TDRD12: variants seen among roughly 807,000 people sequenced by gnomAD.
TDRD12 encodes tudor domain containing 12, also known as putative ATP-dependent RNA helicase TDRD12.
A neutral mutation model predicts 133.5 loss-of-function variants in TDRD12; 158 were observed. That is an observed-to-expected ratio of 1.18 (90% CI 1.04 to 1.35). The LOEUF (loss-of-function observed/expected upper bound fraction) is 1.35. Ranked by LOEUF, TDRD12 falls within the 40% of genes most tolerant of loss-of-function variation. TDRD12 has a pLI of 0.00. For synonymous variants in TDRD12, 460 were observed against 477.9 expected (o/e 0.96, Z 0.49); for missense variants, 1,443 against 1,321.3 (o/e 1.09, Z -1.43).
chr19:32,794,401 T>C (rs1971163070), intron 13 of TDRD12, among the ~76,000 whole-genome samples: 2 of 151,768 alleles, frequency 1.3e-5, no homozygotes. Context: ...CACCGTGCCC[T>C]GCCTAGCAAG....
In TDRD12 at chr19:32,754,510, T is replaced by C. The variant is rs574396801; in HGVS notation, c.583-1482T>C. Among the ~76,000 whole-genome samples, 19 of 151,220 alleles carry C rather than the reference T, an allele frequency of 1.3e-4. No homozygotes were observed. In the East Asian group the frequency reaches 3.8e-3, roughly 30 times the overall value. On this transcript the variant is annotated intron_variant, in intron 6 of 27. Transcript: ENST00000444215. ...AATATTGGCTGCAGAACCAGTCGTT[T>C]TTTTTCATTTTTTTAAACCTGAGAG...
chr19:32,815,066 A>G (rs1425843807), intron 25 of TDRD12, among the ~76,000 whole-genome samples: 1 of 152,252 alleles, frequency 6.6e-6, no homozygotes, highest in East Asian at 1.9e-4. Flanking sequence ...GGTCCTTCCC[A>G]TCAGGCAGAC....
rs183187956 is a variant in TDRD12, at chr19:32,802,589, G to C, written c.2198-67G>C. The C allele has an allele frequency of 3.7e-4, 556 of 1,500,316 alleles. 4 individuals are homozygous for C. The African/African-American group carries it at 7.0e-3, about 19-fold the overall frequency. 92.9% of individuals were successfully genotyped at this position (1,500,316 alleles called of 1,614,324 possible). A position where few individuals can be genotyped will look rare whatever the true frequency, so the allele number is the denominator to read the frequency against. ...GAAATGCACTGCAGTGTGGCCGTGG[G>C]AACTGCCGGTTAAAGTAAGTGCGGT... On this transcript the variant is annotated intron_variant, in intron 19 of 27. Transcript: ENST00000444215.
rs1220731349 is a variant in TDRD12 at position 32,738,959 on chromosome 19, A to C, written c.287A>C (p.Asp96Ala). 24 of 1,550,782 alleles carry C rather than the reference A, an allele frequency of 1.5e-5. No individual in the cohort carries two copies. Among genetic ancestry groups the C allele is most frequent in the Non-Finnish European group, 2.1e-5 (24 of 1,146,996 alleles). The change falls in exon 3 of 28, where the codon GAC (aspartate) becomes GCC (alanine). Residue 96 changes from aspartate to alanine, a missense_variant. Asp to Ala is a moderately radical substitution (Grantham distance 126, BLOSUM62 -2). Coordinates refer to ENST00000444215, the Ensembl canonical transcript of TDRD12. ...TACCTGGCAGAATGTTTCCTTGTGG[A>C]CTTTGCCAAGAACATTCCAGTCAAA...
At chr19:32,773,470 A>C in exon 10 of TDRD12, 1 of 1,551,780 alleles carries the variant, frequency 6.4e-7, no homozygotes, top group Non-Finnish European at 8.7e-7. Flanking sequence ...TTGAATCCTC[A>C]GTGTACTGGC....
chr19:32,775,235 T>G (rs968921015), intron 10 of TDRD12, among the ~76,000 whole-genome samples: 2 of 152,234 alleles, frequency 1.3e-5, no homozygotes, highest in Non-Finnish European at 2.9e-5. Flanking sequence ...CTTGCTATTC[T>G]GCAGATCAAT....
At chr19:32,776,695 G>A (rs561311790) in intron 10 of TDRD12, among the ~76,000 whole-genome samples, 1 of 152,332 alleles carries the variant, frequency 6.6e-6, no homozygotes, top group South Asian at 2.1e-4. Flanking sequence ...GGAGAGAGAG[G>A]CTGTGGCAGG....
chr19:32,735,322 G>GTTTTATTGGTCAGGATAGAGGCTTA (rs1969192307), intron 2 of TDRD12, among the ~76,000 whole-genome samples: 1 of 152,128 alleles, frequency 6.6e-6, no homozygotes, highest in African/African-American at 2.4e-5. Context: ...TATGGAGAAA[G>GTTTTATTGGTCAGGATAGAGGCTTA]TTTTATTGGT....
intron 8 of TDRD12, among the ~76,000 whole-genome samples, chr19:32,772,489 C>T (rs905257780): frequency 6.6e-6 from 1 of 152,120 alleles, no homozygotes; most frequent in Non-Finnish European, 1.5e-5. Context: ...TGTCATCTGA[C>T]AAGTTGGGAA....
chr19:32,788,655 G>C (rs2145654478), intron 11 of TDRD12, among the ~76,000 whole-genome samples: 1 of 152,164 alleles, frequency 6.6e-6, no homozygotes, highest in East Asian at 1.9e-4. Flanking sequence ...TTTGCAGGGT[G>C]CATTACTCGG....
intron 4 of TDRD12, among the ~76,000 whole-genome samples, chr19:32,747,596 G>A (rs746023162): frequency 1.5e-4 from 23 of 152,108 alleles, no homozygotes; most frequent in Admixed American, 3.3e-4. Flanking sequence ...ACTGCCTACA[G>A]CTTTTCCTAC....
chr19:32,814,570 T>C (rs887191761), intron 25 of TDRD12, among the ~76,000 whole-genome samples: 2 of 152,154 alleles, frequency 1.3e-5, no homozygotes, highest in Non-Finnish European at 1.5e-5. Context: ...GCATCTTAGT[T>C]GATGTTGTGA....
intron 6 of TDRD12, among the ~76,000 whole-genome samples, chr19:32,755,373 C>T (rs1326668012): frequency 6.6e-6 from 1 of 152,202 alleles, no homozygotes; most frequent in Non-Finnish European, 1.5e-5. Flanking sequence ...TCTAGTTCCT[C>T]CATGTCACTT....
At position 32,749,888 on chromosome 19, in the gene TDRD12, T is replaced by C. The variant is rs1312910158; in HGVS notation, c.582+19T>C. The C allele has an allele frequency of 1.4e-6, 2 of 1,451,496 alleles. No homozygotes were observed. Among genetic ancestry groups the C allele is most frequent in the Admixed American group, 2.2e-5 (1 of 45,318 alleles). 89.9% of individuals were successfully genotyped at this position (1,451,496 alleles called of 1,614,324 possible). A position where few individuals can be genotyped will look rare whatever the true frequency, so the allele number is the denominator to read the frequency against. On this transcript the variant is annotated intron_variant, in intron 6 of 27. Coordinates refer to ENST00000444215, the Ensembl canonical transcript of TDRD12. ...TGAAAAAGTAAGTGAAAGAATTGTATTTTTATAATATTTCATCATTTTAAA... is the reference window on the plus strand; with the variant it reads ...TGAAAAAGTAAGTGAAAGAATTGTACTTTTATAATATTTCATCATTTTAAA...
intron 11 of TDRD12, among the ~76,000 whole-genome samples, chr19:32,782,745 A>G (rs892256274): frequency 2.8e-4 from 42 of 152,242 alleles, no homozygotes; most frequent in Admixed American, 1.2e-3. Flanking sequence ...TCATATGTCT[A>G]TTGGCTACAT....
intron 11 of TDRD12, among the ~76,000 whole-genome samples, 192 bp downstream of exon 11, chr19:32,777,421 T>C (rs8108159): frequency 0.017 from 2,602 of 152,238 alleles, 69 homozygotes; most frequent in African/African-American, 0.059. Flanking sequence ...TTTTTCTGTT[T>C]AAAGCTTTGT....
rs111534284 is a variant in TDRD12, at chr19:32,723,768, A to C, written c.24+3672A>C. ...ATATCTATACTTATTTAGATCTTTC[A>C]TTTCTTTCCGTCAGTGTTTTATAAC... is the stretch of plus-strand genomic sequence containing the variant. On this transcript the variant is annotated intron_variant, in intron 1 of 27. Transcript: ENST00000444215. Among the ~76,000 whole-genome samples the C allele has an allele frequency of 4.7e-4, 71 of 151,712 alleles. 1 individual carries two copies. The highest frequency in any genetic ancestry group is 1.7e-3 in the African/African-American group (71 of 41,380).
At chr19:32,800,224 G>C in exon 17 of TDRD12, 1 of 1,533,016 alleles carries the variant, frequency 6.5e-7, no homozygotes, top group Non-Finnish European at 8.7e-7. Context: ...AAGGGAATCT[G>C]CACCACATCA....
In TDRD12 at chr19:32,735,719, C is replaced by T. The variant is rs556453952; in HGVS notation, c.184-3137C>T. Among the ~76,000 whole-genome samples, 5 of 152,330 alleles carry T rather than the reference C, an allele frequency of 3.3e-5. 1 individual carries two copies. In the South Asian group the frequency reaches 1.0e-3, roughly 32 times the overall value. The stretch of plus-strand genomic sequence containing the variant: ...GTGTGGTGGCTCACACCTGTAATCC[C>T]AGCACTCTGGGAGGCTGAGGTGGGT... On this transcript the variant is annotated intron_variant, in intron 2 of 27. Coordinates refer to ENST00000444215, the Ensembl canonical transcript of TDRD12.
Sources: gnomAD v4.1 joint callset for allele counts (sites outside exome capture counted in the v4.1 genomes callset) on GRCh38, gnomAD v4.1.1 for gene constraint, MANE v1.5 for transcripts, NCBI Gene and HGNC (gene_info 2026-07-23, HGNC 2026-07-21) for gene names.